HS6ST3: variants seen among roughly 807,000 people sequenced by gnomAD.
HS6ST3 encodes the protein heparan-sulfate 6-O-sulfotransferase 3.
A neutral mutation model predicts 36.7 loss-of-function variants in HS6ST3; 12 were observed. The ratio of observed to expected loss-of-function variants is 0.33; its 90% CI spans 0.21 to 0.53. HS6ST3 has a LOEUF of 0.53. Ranked by LOEUF, HS6ST3 falls within the 20% of genes least tolerant of loss-of-function variation. The pLI, the probability that HS6ST3 is intolerant of heterozygous loss-of-function variation, is 0.95. For synonymous variants in HS6ST3, 240 were observed against 257.5 expected (o/e 0.93, Z 0.65); for missense variants, 584 against 640.9 (o/e 0.91, Z 0.96).
chr13:96,298,608 C>G (rs1445798599), intron 1 of HS6ST3, among the ~76,000 whole-genome samples: 1 of 152,200 alleles, frequency 6.6e-6, no homozygotes, highest in Non-Finnish European at 1.5e-5. Context: ...CTCTAATAGT[C>G]TGCTACCTAA....
intron 1 of HS6ST3, among the ~76,000 whole-genome samples, chr13:96,489,629 C>T (rs1012982071): frequency 5.3e-5 from 8 of 151,688 alleles, no homozygotes; most frequent in Non-Finnish European, 8.8e-5. Context: ...TTTCTTTAGG[C>T]GAGGCTGTAA....
chr13:96,813,492 A>G (rs180886380), intron 1 of HS6ST3, among the ~76,000 whole-genome samples: 1 of 152,174 alleles, frequency 6.6e-6, no homozygotes, highest in Admixed American at 6.5e-5. Context: ...CCCAACATGT[A>G]TTTGTTACTC....
chr13:96,309,472 G>A (rs532373479), intron 1 of HS6ST3, among the ~76,000 whole-genome samples: 68 of 152,020 alleles, frequency 4.5e-4, no homozygotes, highest in Non-Finnish European at 7.8e-4. Flanking sequence ...TTTACTTAGT[G>A]GAAAAATTTT....
chr13:96,102,288 G>T (rs978022818), intron 1 of HS6ST3, among the ~76,000 whole-genome samples: 1 of 152,188 alleles, frequency 6.6e-6, no homozygotes, highest in East Asian at 1.9e-4. Context: ...TACATTGGAA[G>T]TGTCCAATTT....
chr13:96,242,837 A>G lies in HS6ST3; in HGVS notation c.707+151268A>G, dbSNP rs1165730638. Among the ~76,000 whole-genome samples the G allele has an allele frequency of 2.0e-5, 3 of 152,200 alleles. No individual in the cohort carries two copies. The South Asian group carries it at 6.2e-4, about 32-fold the overall frequency. On this transcript the variant is annotated intron_variant, in intron 1 of 1. Transcript: ENST00000376705. ...CTCACCTCTGGATTGCTTCTTTTCA[A>G]TTCTAAAAAAATTGAAATCACTATC...
intron 1 of HS6ST3, among the ~76,000 whole-genome samples, chr13:96,382,278 A>T (rs1408053350): frequency 6.6e-6 from 1 of 152,212 alleles, no homozygotes; most frequent in Non-Finnish European, 1.5e-5. Context: ...GTCTTATACC[A>T]TACTCTTTGA....
intron 1 of HS6ST3, among the ~76,000 whole-genome samples, chr13:96,268,081 G>A (rs1035603452): frequency 3.3e-5 from 5 of 151,708 alleles, no homozygotes; most frequent in Non-Finnish European, 1.5e-5. Context: ...GTTGGGTGAG[G>A]GCTCTACTCT....
chr13:96,124,124 T>C (rs1314205177), intron 1 of HS6ST3, among the ~76,000 whole-genome samples: 1 of 152,208 alleles, frequency 6.6e-6, no homozygotes, highest in African/African-American at 2.4e-5. Flanking sequence ...ATCCCAGATA[T>C]TAAAAAGAAG....
At chr13:96,294,730 A>G (rs1201738873) in intron 1 of HS6ST3, among the ~76,000 whole-genome samples, 1 of 152,170 alleles carries the variant, frequency 6.6e-6, no homozygotes, top group Admixed American at 6.6e-5. Context: ...GGCTGTTTTT[A>G]TTATCTTTGA....
At chr13:96,104,524 A>C (rs2053832153) in intron 1 of HS6ST3, among the ~76,000 whole-genome samples, 1 of 152,226 alleles carries the variant, frequency 6.6e-6, no homozygotes, top group African/African-American at 2.4e-5. Context: ...TAATTCCTAG[A>C]GTTAGTAAAT....
At chr13:96,724,767 C>A (rs1428999426) in intron 1 of HS6ST3, among the ~76,000 whole-genome samples, 1 of 152,088 alleles carries the variant, frequency 6.6e-6, no homozygotes, top group African/African-American at 2.4e-5. Context: ...TGTTTATTCA[C>A]CTACTGGTAG....
At chr13:96,696,990 A>T (rs527432737) in intron 1 of HS6ST3, among the ~76,000 whole-genome samples, 60 of 152,030 alleles carry the variant, frequency 3.9e-4, no homozygotes, top group African/African-American at 1.4e-3. Flanking sequence ...ATGCAGCACT[A>T]AAAAAAAGCA....
intron 1 of HS6ST3, among the ~76,000 whole-genome samples, chr13:96,666,866 T>C (rs1451280571): frequency 2.0e-5 from 3 of 152,172 alleles, no homozygotes; most frequent in Admixed American, 2.0e-4. Context: ...AGAGTGAGTC[T>C]AGTTTAGTTA....
At chr13:96,126,248 A>G (rs2053950447) in intron 1 of HS6ST3, among the ~76,000 whole-genome samples, 1 of 152,090 alleles carries the variant, frequency 6.6e-6, no homozygotes, top group African/African-American at 2.4e-5. Context: ...CATGTGGTTT[A>G]TCATCCTAAC....
chr13:96,115,831 A>G (rs2053891406), intron 1 of HS6ST3, among the ~76,000 whole-genome samples: 1 of 152,220 alleles, frequency 6.6e-6, no homozygotes, highest in African/African-American at 2.4e-5. Flanking sequence ...ACTGTCTTCC[A>G]CAACGGTTGA....
At chr13:96,412,074 G>A (rs141949098) in intron 1 of HS6ST3, among the ~76,000 whole-genome samples, 165 of 151,926 alleles carry the variant, frequency 1.1e-3, no homozygotes, top group African/African-American at 2.7e-3. Flanking sequence ...GTGCGATCTC[G>A]GCTCACTGCA....
At chr13:96,103,261 T>C (rs1253175769) in intron 1 of HS6ST3, among the ~76,000 whole-genome samples, 2 of 152,208 alleles carry the variant, frequency 1.3e-5, no homozygotes, top group Non-Finnish European at 2.9e-5. Context: ...AACTTCTGCA[T>C]TGCATAATTT....
At chr13:96,712,457 A>C (rs887530611) in intron 1 of HS6ST3, among the ~76,000 whole-genome samples, 1 of 152,164 alleles carries the variant, frequency 6.6e-6, no homozygotes, top group African/African-American at 2.4e-5. Context: ...GAACACAGTG[A>C]GATCTGAGGC....
intron 1 of HS6ST3, among the ~76,000 whole-genome samples, chr13:96,223,809 G>A (rs1235402973): frequency 6.6e-6 from 1 of 152,146 alleles, no homozygotes; most frequent in East Asian, 1.9e-4. Context: ...GACCCTGATA[G>A]TTGCTAACAT....
Sources: gnomAD v4.1 joint callset for allele counts (sites outside exome capture counted in the v4.1 genomes callset) on GRCh38, gnomAD v4.1.1 for gene constraint, MANE v1.5 for transcripts, NCBI Gene and HGNC (gene_info 2026-07-23, HGNC 2026-07-21) for gene names.